The following KALRN variants were observed in gnomAD, a reference collection of about 807,000 sequenced individuals.
KALRN encodes kalirin.
Under a neutral mutation model 353.7 loss-of-function variants are expected in KALRN, and 70 were observed. That is an observed-to-expected ratio of 0.20 (90% CI 0.16 to 0.24). KALRN has a LOEUF of 0.24. KALRN is among the 10% of genes least tolerant of loss of function. The pLI is 1.00. For synonymous variants in KALRN, 1,391 were observed against 1,434.8 expected (o/e 0.97, Z 0.69); for missense variants, 2,791 against 3,756.7 (o/e 0.74, Z 6.72).
chr3:124,234,981 G>A, intron 3 of KALRN, 38 bp downstream of exon 3: 3 of 1,483,854 alleles, frequency 2.0e-6, no homozygotes, highest in Non-Finnish European at 2.8e-6. Flanking sequence ...GGAGCGGGAG[G>A]GGAGCTGGGC....
chr3:124,204,115 T>G (rs747164408), intron 1 of KALRN, among the ~76,000 whole-genome samples: 1 of 152,158 alleles, frequency 6.6e-6, no homozygotes, highest in Non-Finnish European at 1.5e-5. Flanking sequence ...CCCCTGTAGA[T>G]CTCTGTTCTA....
chr3:124,093,911 G>C (rs1327628829), intron 1 of KALRN, among the ~76,000 whole-genome samples: 1 of 152,184 alleles, frequency 6.6e-6, no homozygotes, highest in Non-Finnish European at 1.5e-5. Flanking sequence ...GGAAGGGCAG[G>C]AGCAAAGTCC....
intron 1 of KALRN, among the ~76,000 whole-genome samples, chr3:124,068,772 CA>C (rs2042588100): frequency 6.7e-6 from 1 of 150,328 alleles, no homozygotes; most frequent in African/African-American, 2.4e-5. Context: ...ATCAGTTTTA[CA>C]AAAAGAAAAA....
At chr3:124,143,048 C>T (rs1188462515) in intron 1 of KALRN, among the ~76,000 whole-genome samples, 1 of 151,944 alleles carries the variant, frequency 6.6e-6, no homozygotes, top group East Asian at 1.9e-4. Context: ...TAGTACTAGG[C>T]ACATAGTAGG....
intron 16 of KALRN, among the ~76,000 whole-genome samples, chr3:124,431,520 T>A (rs2093277621): frequency 6.6e-6 from 1 of 152,108 alleles, no homozygotes; most frequent in African/African-American, 2.4e-5. Context: ...TTTAGAGTGG[T>A]GTAGGAAAAA....
At chr3:124,165,897 C>G (rs1395269141) in intron 1 of KALRN, among the ~76,000 whole-genome samples, 2 of 152,170 alleles carry the variant, frequency 1.3e-5, no homozygotes, top group East Asian at 1.9e-4. Context: ...TCAAACCTCT[C>G]TTCCTACCAC....
intron 15 of KALRN, among the ~76,000 whole-genome samples, chr3:124,428,252 T>C (rs12054145): frequency 0.08 from 12,200 of 152,262 alleles, 612 homozygotes; most frequent in East Asian, 0.19. Context: ...CATCAGAATA[T>C]GCCAGTAAGC....
intron 33 of KALRN, among the ~76,000 whole-genome samples, chr3:124,509,803 C>G (rs888151856): frequency 6.6e-6 from 1 of 152,164 alleles, no homozygotes; most frequent in Non-Finnish European, 1.5e-5. Context: ...ACTAGCAAAA[C>G]TAAACATCTG....
intron 53 of KALRN, 32 bp from the exon 54 acceptor site, chr3:124,696,102 G>C: frequency 6.2e-7 from 1 of 1,611,510 alleles, no homozygotes; most frequent in East Asian, 2.2e-5. Flanking sequence ...CTCATTACTG[G>C]AGTCTGAAGA....
rs148381838 is a variant in KALRN at position 124,395,657 on chromosome 3, G to A, written c.2171+314G>A. ...AAGTAAAAAATAATTAAGAATTAGGGCATATTTGCTCATGCAGAGAAATAG... is the reference window on the plus strand; with the variant it reads ...AAGTAAAAAATAATTAAGAATTAGGACATATTTGCTCATGCAGAGAAATAG... On this transcript the variant is annotated intron_variant, in intron 12 of 59. Transcript: ENST00000682506. 6.2e-4 allele frequency: 211 copies of A among 339,592 alleles called. 2 individuals carry two copies. The East Asian group carries it at 0.013, about 21-fold the overall frequency. The allele number at this position is 339,592 out of a possible 1,614,324, so 21.0% of individuals were successfully genotyped here.
intron 33 of KALRN, among the ~76,000 whole-genome samples, chr3:124,497,002 C>A (rs1001728188): frequency 6.6e-6 from 1 of 152,206 alleles, no homozygotes; most frequent in Non-Finnish European, 1.5e-5. Context: ...AAGTGGTATA[C>A]GAAGGGTGTA....
At chr3:124,105,431 T>C (rs895376175) in intron 1 of KALRN, among the ~76,000 whole-genome samples, 4 of 152,206 alleles carry the variant, frequency 2.6e-5, no homozygotes, top group Admixed American at 1.3e-4. Context: ...GTGAAACTGG[T>C]ATTAGCTCAA....
At chr3:124,100,563 A>G (rs1023175749) in intron 1 of KALRN, 2 of 152,256 alleles carry the variant, frequency 1.3e-5, no homozygotes, top group African/African-American at 2.4e-5. Context: ...TGAAATTGCT[A>G]GAAGAAAACA....
At chr3:124,105,572 G>A (rs562886625) in intron 1 of KALRN, among the ~76,000 whole-genome samples, 1 of 152,244 alleles carries the variant, frequency 6.6e-6, no homozygotes, top group South Asian at 2.1e-4. Context: ...TAATAATTTC[G>A]TGGGAATAGA....
In KALRN at chr3:124,238,427, A is replaced by G. The variant is rs544263900; in HGVS notation, c.263+3484A>G. 3.7e-4 allele frequency among the ~76,000 whole-genome samples: 57 copies of G among 152,276 alleles called. 1 individual carries two copies. In the South Asian group the frequency reaches 0.012, roughly 31 times the overall value. ...TGAACTTCCTGTCACTGGAGACCAG[A>G]TGACCCTCTGTTAGGGATGCTGTAG... is the stretch of plus-strand genomic sequence containing the variant. On this transcript the variant is annotated intron_variant, in intron 3 of 59. Transcript: ENST00000682506.
At chr3:124,218,231 T>C (rs1387784305) in intron 1 of KALRN, among the ~76,000 whole-genome samples, 3 of 152,122 alleles carry the variant, frequency 2.0e-5, no homozygotes, top group African/African-American at 7.2e-5. Flanking sequence ...ACTTTTCAAG[T>C]CAGCAATTTC....
chr3:124,688,555 GA>G (rs1192031797), intron 51 of KALRN, among the ~76,000 whole-genome samples: 1 of 152,082 alleles, frequency 6.6e-6, no homozygotes, highest in African/African-American at 2.4e-5. Context: ...ATAGAAAAAG[GA>G]AAAATATAGA....
chr3:124,209,779 G>A (rs928086788), intron 1 of KALRN, among the ~76,000 whole-genome samples: 3 of 152,206 alleles, frequency 2.0e-5, no homozygotes, highest in African/African-American at 7.2e-5. Flanking sequence ...TGCACTAACT[G>A]GCTATGCCAC....
intron 3 of KALRN, among the ~76,000 whole-genome samples, chr3:124,242,751 A>C (rs2080634311): frequency 6.6e-6 from 1 of 152,148 alleles, no homozygotes; most frequent in Admixed American, 6.5e-5. Flanking sequence ...GGCCAAGGCA[A>C]CCATGGTGGC....
Sources: allele counts gnomAD v4.1 joint callset (sites outside exome capture counted in the v4.1 genomes callset), GRCh38; gene constraint gnomAD v4.1.1; transcripts MANE v1.5; gene names NCBI Gene and HGNC (gene_info 2026-07-23, HGNC 2026-07-21).